The following FRG1 variants were observed in gnomAD, a reference collection of about 807,000 sequenced individuals.
FRG1 encodes the protein protein FRG1.
In FRG1, 19 loss-of-function variants were observed where a neutral mutation model predicts 37.0. That is an observed-to-expected ratio of 0.51 (90% CI 0.36 to 0.75). FRG1 has a LOEUF of 0.75. FRG1 is among the 30% of genes least tolerant of loss of function. The pLI, the probability that FRG1 is intolerant of heterozygous loss-of-function variation, is 0.00. For synonymous variants in FRG1, 73 were observed against 96.5 expected (o/e 0.76, Z 1.43); for missense variants, 243 against 301.4 (o/e 0.81, Z 1.44).
intron 4 of FRG1, among the ~76,000 whole-genome samples, chr4:189,954,600 T>C (rs1180131454): frequency 2.6e-5 from 4 of 151,584 alleles, no homozygotes; most frequent in Non-Finnish European, 5.9e-5. Context: ...TTTTTCTTTT[T>C]TTTTTTTTTA....
intron 5 of FRG1, among the ~76,000 whole-genome samples, chr4:189,956,266 G>C (rs199818167): frequency 1.3e-5 from 2 of 151,746 alleles, no homozygotes; most frequent in Non-Finnish European, 2.9e-5. Context: ...TTGATTTCAT[G>C]ACCCGCTAAT....
At chr4:189,959,478 T>C (rs1365366553) in intron 6 of FRG1, among the ~76,000 whole-genome samples, 1 of 152,196 alleles carries the variant, frequency 6.6e-6, no homozygotes, top group Non-Finnish European at 1.5e-5. Context: ...CCCAGCTGAC[T>C]CCAGAGGCCA....
At chr4:189,953,257 A>G in intron 4 of FRG1, 132 bp downstream of exon 4, 1 of 1,349,600 alleles carries the variant, frequency 7.4e-7, no homozygotes, top group Non-Finnish European at 9.7e-7. Context: ...TTTTTTGAAA[A>G]GTAGATTTTG....
Position 189,945,221 on chromosome 4 carries a change from T to C in FRG1, c.133+1949T>C, listed in dbSNP as rs1736474954. Among the ~76,000 whole-genome samples the C allele has an allele frequency of 3.3e-5, 5 of 152,248 alleles. No homozygotes were observed. In the South Asian group the frequency reaches 1.0e-3, roughly 31 times the overall value. Reference sequence around the variant, plus strand: ...TTTCCTGTGACTATCGTTTTACTTCTTTCTTTCTAATCCTTTTGTCTTGTC... The same window carrying C: ...TTTCCTGTGACTATCGTTTTACTTCCTTCTTTCTAATCCTTTTGTCTTGTC... On this transcript the variant is annotated intron_variant, in intron 2 of 8. Coordinates refer to ENST00000226798, the MANE Select transcript of FRG1 (RefSeq NM_004477.3).
In FRG1 at chr4:189,950,341, G is replaced by A. The variant is rs180875130; in HGVS notation, c.134-1821G>A. Among the ~76,000 whole-genome samples, 1,513 of 152,158 alleles carry A rather than the reference G, an allele frequency of 9.9e-3. 12 individuals carry two copies. The highest frequency in any genetic ancestry group is 0.015 in the Non-Finnish European group (993 of 67,966). On this transcript the variant is annotated intron_variant, in intron 2 of 8. Coordinates refer to ENST00000226798, the MANE Select transcript of FRG1 (RefSeq NM_004477.3). ...GGTTGCCTTTTACTCTGTTGATGGC[G>A]GTTCTTGATGCACAAAAGTTTTTAA...
intron 4 of FRG1, among the ~76,000 whole-genome samples, chr4:189,953,513 C>T (rs147879159): frequency 1.3e-5 from 2 of 152,006 alleles, no homozygotes; most frequent in African/African-American, 2.4e-5. Context: ...AGAATCATAA[C>T]GACCAAAAGA....
intron 8 of FRG1, 30 bp downstream of exon 8, chr4:189,961,962 T>C (rs1238545145): frequency 8.7e-7 from 1 of 1,143,430 alleles, no homozygotes; most frequent in African/African-American, 1.6e-5. Context: ...TTTCCACTAT[T>C]TTCAGTAGCC....
At chr4:189,941,959 C>T (rs902154175) in intron 1 of FRG1, 52 of 342,598 alleles carry the variant, frequency 1.5e-4, no homozygotes, top group African/African-American at 1.1e-3. Context: ...CCTTGAGAAC[C>T]CTCTCGAGGA....
At chr4:189,954,233 TACTC>T (rs1011809720) in intron 4 of FRG1, among the ~76,000 whole-genome samples, 103 of 152,290 alleles carry the variant, frequency 6.8e-4, no homozygotes, top group African/African-American at 2.4e-3. Flanking sequence ...ATACAAAACA[TACTC>T]TGTTAATTTG....
chr4:189,947,764 T>C lies in FRG1; in HGVS notation c.134-4398T>C, dbSNP rs143519644. On this transcript the variant is annotated intron_variant, in intron 2 of 8. Transcript: ENST00000226798. ...GTACTCTTTTGAGGCCTCACCTGTA[T>C]GTAGTTCCCTCTTCTCCAGTACCTT... Among the ~76,000 whole-genome samples the C allele has an allele frequency of 9.1e-3, 1,380 of 152,356 alleles. 30 individuals carry two copies. The highest frequency in any genetic ancestry group is 0.031 in the African/African-American group (1,306 of 41,592).
intron 6 of FRG1, among the ~76,000 whole-genome samples, chr4:189,958,148 A>G (rs1202603140): frequency 6.6e-6 from 1 of 151,676 alleles, no homozygotes; most frequent in Non-Finnish European, 1.5e-5. Context: ...CTCTCTCTCA[A>G]CAGCCACATA....
At chr4:189,942,641 T>G (rs1207288729) in intron 1 of FRG1, among the ~76,000 whole-genome samples, 1 of 152,214 alleles carries the variant, frequency 6.6e-6, no homozygotes, top group Non-Finnish European at 1.5e-5. Context: ...TTTTTGGCTA[T>G]TGTGACTAAT....
At chr4:189,952,634 G>A (rs77876749) in intron 3 of FRG1, among the ~76,000 whole-genome samples, 27 of 151,792 alleles carry the variant, frequency 1.8e-4, no homozygotes, top group East Asian at 9.7e-4. Context: ...ACCTGGGTGC[G>A]TTTAACAGTT....
At chr4:189,945,463 T>C (rs1283654178) in intron 2 of FRG1, among the ~76,000 whole-genome samples, 2 of 152,340 alleles carry the variant, frequency 1.3e-5, no homozygotes, top group African/African-American at 4.8e-5. Flanking sequence ...ATCATAACGA[T>C]GTTTAATGCT....
chr4:189,962,444 C>T (rs1379106471), intron 8 of FRG1, among the ~76,000 whole-genome samples: 1 of 152,046 alleles, frequency 6.6e-6, no homozygotes, highest in African/African-American at 2.4e-5. Context: ...AGATTTATGA[C>T]ATAGAAAAAC....
intron 6 of FRG1, among the ~76,000 whole-genome samples, chr4:189,958,149 C>CGA (rs1737068918): frequency 6.6e-6 from 1 of 151,870 alleles, no homozygotes; most frequent in Admixed American, 6.6e-5. Context: ...TCTCTCTCAA[C>CGA]AGCCACATAA....
Position 189,955,159 on chromosome 4 carries a change from C to T in FRG1, c.432+8C>T, listed in dbSNP as rs768730029. The stretch of plus-strand genomic sequence containing the variant: ...GAACCAGTCTTTCAAAATGTAAGTG[C>T]TGTTATTGTTTATAAAAACTTCCTG... On this transcript the variant is annotated splice_region_variant and intron_variant, in intron 5 of 8. Coordinates refer to ENST00000226798, the MANE Select transcript of FRG1 (RefSeq NM_004477.3). The T allele has an allele frequency of 1.9e-6, 3 of 1,539,136 alleles. No individual in the cohort carries two copies. Among genetic ancestry groups the T allele is most frequent in the Non-Finnish European group, 2.7e-6 (3 of 1,112,124 alleles).
At chr4:189,958,020 C>G (rs1049180979) in intron 6 of FRG1, among the ~76,000 whole-genome samples, 6 of 151,862 alleles carry the variant, frequency 4.0e-5, no homozygotes, top group Non-Finnish European at 8.8e-5. Context: ...TAAAGGTAGC[C>G]TCCTCTATAG....
chr4:189,962,382 A>G (rs1398048843), intron 8 of FRG1, among the ~76,000 whole-genome samples: 1 of 152,208 alleles, frequency 6.6e-6, no homozygotes, highest in Non-Finnish European at 1.5e-5. Context: ...GATGTTTATC[A>G]TACCACATTA....
Sources: allele counts gnomAD v4.1 joint callset (sites outside exome capture counted in the v4.1 genomes callset), GRCh38; gene constraint gnomAD v4.1.1; transcripts MANE v1.5; gene names NCBI Gene and HGNC (gene_info 2026-07-23, HGNC 2026-07-21).